The following PRRG1 variants were observed in gnomAD, a reference collection of about 807,000 sequenced individuals.
PRRG1 encodes the protein transmembrane gamma-carboxyglutamic acid protein 1.
Under a neutral mutation model 11.8 loss-of-function variants are expected in PRRG1, and 5 were observed. That is an observed-to-expected ratio of 0.42 (90% CI 0.22 to 0.89). PRRG1 has a LOEUF of 0.89. Ranked by LOEUF, PRRG1 falls within the 40% of genes least tolerant of loss-of-function variation. The pLI, the probability that PRRG1 is intolerant of heterozygous loss-of-function variation, is 0.28. For missense variants in PRRG1, 155 were observed against 166.1 expected, an observed-to-expected ratio of 0.93 and a Z score of 0.37; for synonymous variants, 66 against 60.4, an observed-to-expected ratio of 1.09 and a Z score of -0.43.
intron 1 of PRRG1, among the ~76,000 whole-genome samples, chrX:37,351,972 C>T (rs185528652): frequency 4.4e-5 from 5 of 112,452 alleles, no homozygotes; most frequent in Non-Finnish European, 9.4e-5. Context: ...CTTCATGTTA[C>T]AGTTCCCTGA....
intron 3 of PRRG1, among the ~76,000 whole-genome samples, chrX:37,435,811 T>TG (rs1167628905): frequency 8.1e-5 from 9 of 111,089 alleles, no homozygotes; most frequent in Non-Finnish European, 1.3e-4. Context: ...AATTAGATTC[T>TG]GGAAAAAAAG....
At chrX:37,433,373 G>A (rs1365877483) in intron 3 of PRRG1, among the ~76,000 whole-genome samples, 2 of 111,663 alleles carry the variant, frequency 1.8e-5, no homozygotes, top group South Asian at 3.8e-4. Flanking sequence ...TACACAGACA[G>A]CACGTGACCT....
At chrX:37,353,233 A>G (rs187192740) in intron 1 of PRRG1, among the ~76,000 whole-genome samples, 1 of 111,592 alleles carries the variant, frequency 9.0e-6, no homozygotes, top group Non-Finnish European at 1.9e-5. Context: ...TTTGTGTCTT[A>G]GTTTTTAATA....
chrX:37,439,868 C>T (rs1556393076), intron 3 of PRRG1, among the ~76,000 whole-genome samples: 2 of 95,258 alleles, frequency 2.1e-5, no homozygotes, highest in African/African-American at 4.3e-5. Context: ...GGTGCAATGT[C>T]AGCTCACTGC....
Position 37,453,862 on chromosome X carries a change from T to C in PRRG1, c.*241T>C. 8.9e-6 allele frequency: 3 copies of C among 338,272 alleles called. No individual in the cohort carries two copies. Among genetic ancestry groups the C allele is most frequent in the Non-Finnish European group, 1.5e-5 (3 of 197,058 alleles). 27.9% of individuals were successfully genotyped at this position (338,272 alleles called of 1,213,427 possible). ...TACTAATGGGGGTCTTTCTGTGATGTGATGAGACATACATGTAAGTGTATA... is the reference window on the plus strand; with the variant it reads ...TACTAATGGGGGTCTTTCTGTGATGCGATGAGACATACATGTAAGTGTATA... On this transcript the variant is annotated 3_prime_UTR_variant, in exon 4 of 4. Transcript: ENST00000378628.
chrX:37,368,442 T>C (rs1930649013), intron 1 of PRRG1, among the ~76,000 whole-genome samples: 2 of 112,247 alleles, frequency 1.8e-5, no homozygotes, highest in South Asian at 7.4e-4. Context: ...TTATCTCTTA[T>C]AATACATTTG....
intron 3 of PRRG1, among the ~76,000 whole-genome samples, chrX:37,447,962 C>A (rs1933107018): frequency 8.9e-6 from 1 of 112,128 alleles, no homozygotes; most frequent in East Asian, 2.8e-4. Context: ...GAGGTTTTAG[C>A]AGTCAATTTA....
At chrX:37,369,940 G>A (rs1556370374) in intron 1 of PRRG1, among the ~76,000 whole-genome samples, 1 of 109,989 alleles carries the variant, frequency 9.1e-6, no homozygotes, top group East Asian at 2.8e-4. Context: ...GGAACTGTGA[G>A]TCCATTAAAC....
chrX:37,419,162 A>G (rs1350597698), intron 2 of PRRG1, among the ~76,000 whole-genome samples: 1 of 112,424 alleles, frequency 8.9e-6, no homozygotes, highest in Non-Finnish European at 1.9e-5. Flanking sequence ...CTAAAGTTCA[A>G]TAAAGCATAT....
intron 1 of PRRG1, among the ~76,000 whole-genome samples, chrX:37,358,315 A>G (rs1463521811): frequency 1.8e-5 from 2 of 111,671 alleles, no homozygotes; most frequent in African/African-American, 6.5e-5. Flanking sequence ...AAAACTCATT[A>G]CCATATTAGA....
intron 1 of PRRG1, among the ~76,000 whole-genome samples, chrX:37,399,551 G>A (rs1315019329): frequency 2.7e-4 from 29 of 108,509 alleles, no homozygotes; most frequent in African/African-American, 9.1e-4. Context: ...AGACCATCGA[G>A]ACTAGGAAGA....
intron 3 of PRRG1, among the ~76,000 whole-genome samples, chrX:37,437,308 G>A (rs782255356): frequency 1.8e-4 from 20 of 110,992 alleles, no homozygotes; most frequent in Non-Finnish European, 3.0e-4. Context: ...GTCAGGGCGG[G>A]GGGGGAGGTG....
chrX:37,421,965 A>T (rs1295748497), intron 2 of PRRG1, among the ~76,000 whole-genome samples: 1 of 111,968 alleles, frequency 8.9e-6, no homozygotes, highest in Non-Finnish European at 1.9e-5. Context: ...ATCCATGTAG[A>T]GTTCTTAGTA....
chrX:37,450,280 C>T (rs982341382), intron 3 of PRRG1, among the ~76,000 whole-genome samples: 4 of 112,050 alleles, frequency 3.6e-5, no homozygotes, highest in Non-Finnish European at 5.6e-5. Flanking sequence ...ATTATGTAAC[C>T]TCTCTGAGCC....
chrX:37,398,554 A>C (rs1931809081), intron 1 of PRRG1, among the ~76,000 whole-genome samples: 1 of 112,186 alleles, frequency 8.9e-6, no homozygotes. Context: ...AAAAACTGGA[A>C]ACTCTAAAAA....
intron 1 of PRRG1, among the ~76,000 whole-genome samples, chrX:37,381,957 A>G (rs1556373868): frequency 9.0e-6 from 1 of 111,711 alleles, no homozygotes; most frequent in Admixed American, 9.5e-5. Context: ...GAACAAACAA[A>G]GTGTGCACAG....
chrX:37,374,061 A>G (rs1285754153), intron 1 of PRRG1, among the ~76,000 whole-genome samples: 2 of 111,959 alleles, frequency 1.8e-5, no homozygotes, highest in Admixed American at 9.4e-5. Context: ...CTGTTAATGT[A>G]GTGTGTCATA....
Position 37,434,430 on chromosome X carries a change from G to A in PRRG1, c.171+8430G>A, listed in dbSNP as rs1183636821. Among the ~76,000 whole-genome samples the A allele has an allele frequency of 6.3e-5, 7 of 111,863 alleles. No homozygotes were observed. In the Admixed American group the frequency reaches 6.6e-4, roughly 11 times the overall value. On this transcript the variant is annotated intron_variant, in intron 3 of 3. Transcript: ENST00000378628. ...GTTCTGATAGAAACAGCAGACATAT[G>A]CACAAAGGCTTATATGAGCATGCTG... is the stretch of plus-strand genomic sequence containing the variant.
At chrX:37,398,566 C>G (rs2146567163) in intron 1 of PRRG1, among the ~76,000 whole-genome samples, 1 of 112,215 alleles carries the variant, frequency 8.9e-6, no homozygotes, top group South Asian at 3.8e-4. Flanking sequence ...CTCTAAAAAG[C>G]AGAGCGCCTT....
Sources: allele counts gnomAD v4.1 joint callset (sites outside exome capture counted in the v4.1 genomes callset), GRCh38; gene constraint gnomAD v4.1.1; transcripts MANE v1.5; gene names NCBI Gene and HGNC (gene_info 2026-07-23, HGNC 2026-07-21).